The following ADGRG1 variants were observed in gnomAD, a reference collection of about 807,000 sequenced individuals.
ADGRG1 encodes 7-transmembrane protein with no EGF-like N-terminal domains-1.
A neutral mutation model predicts 73.5 loss-of-function variants in ADGRG1; 53 were observed. The observed-to-expected ratio is 0.72, with a 90% CI of 0.58 to 0.91. ADGRG1 has a LOEUF of 0.91. ADGRG1 is among the 40% of genes least tolerant of loss of function. The pLI, the probability that ADGRG1 is intolerant of heterozygous loss-of-function variation, is 0.00. For synonymous variants in ADGRG1, 394 were observed against 374.4 expected (o/e 1.05, Z -0.60); for missense variants, 795 against 871.8 (o/e 0.91, Z 1.11).
Position 57,651,332 on chromosome 16 carries a change from C to T in ADGRG1, c.197C>T (p.Thr66Ile), listed in dbSNP as rs761329556. 5.0e-6 allele frequency: 8 copies of T among 1,614,112 alleles called. No homozygotes were observed. The South Asian group carries it at 6.6e-5, about 13-fold the overall frequency. ...ATCGAGAACTCCGAAGAGGCCCTCACAGTCCATGCCCCTTTCCCTGCAGCC... is the reference window on the plus strand; with the variant it reads ...ATCGAGAACTCCGAAGAGGCCCTCATAGTCCATGCCCCTTTCCCTGCAGCC... ...ISIENSEEAL[T>I]VHAPFPAAHP... The change falls in exon 3 of 14, where the codon ACA becomes ATA. Residue 66 changes from threonine to isoleucine, a missense_variant. By Grantham distance (89) the Thr-to-Ile change is moderately conservative (BLOSUM62 -1). Coordinates refer to ENST00000562631, the MANE Select transcript of ADGRG1 (RefSeq NM_201525.4).
chr16:57,656,750 T>C, intron 9 of ADGRG1, 133 bp downstream of exon 9: 2 of 737,446 alleles, frequency 2.7e-6, no homozygotes, highest in Non-Finnish European at 5.0e-6. Context: ...TGTCCCATTT[T>C]ATAGATGAGG....
At chr16:57,648,429 A>T (rs774400353) in intron 1 of ADGRG1, 30 of 980,730 alleles carry the variant, frequency 3.1e-5, no homozygotes, top group Middle Eastern at 1.0e-3. Flanking sequence ...GGGCAAGATG[A>T]TGTGCCTATT....
intron 1 of ADGRG1, chr16:57,629,006 G>A (rs567589350): frequency 5.8e-6 from 3 of 514,124 alleles, no homozygotes; most frequent in Non-Finnish European, 7.5e-6. Flanking sequence ...GTGTGAGTGT[G>A]AGAGTGTGAC....
intron 7 of ADGRG1, 38 bp from the exon 8 acceptor site, chr16:57,656,188 G>A (rs1212330543): frequency 1.2e-6 from 2 of 1,613,246 alleles, no homozygotes; most frequent in African/African-American, 2.7e-5. Context: ...GGGGTGGGGG[G>A]CTGTCACAGA....
rs117420955 is a variant in ADGRG1 at position 57,653,486 on chromosome 16, A to G, written c.620+151A>G. On this transcript the variant is annotated intron_variant, in intron 4 of 13. Coordinates refer to ENST00000562631, the MANE Select transcript of ADGRG1 (RefSeq NM_201525.4). ...TTCTCTTTCTGCCTTCTGGGAGTCA[A>G]CACATGCCCCCCAGGCTGAGCCCTC... is the stretch of plus-strand genomic sequence containing the variant. 100,386 of 1,476,844 alleles carry G rather than the reference A, an allele frequency of 0.068. 3,894 individuals carry two copies. Among genetic ancestry groups the G allele is most frequent in the Non-Finnish European group, 0.079 (88,070 of 1,117,026 alleles). 91.5% of individuals were successfully genotyped at this position (1,476,844 alleles called of 1,614,324 possible). A position where few individuals can be genotyped will look rare whatever the true frequency, so the allele number is the denominator to read the frequency against.
At chr16:57,640,822 TAA>T (rs1224569139) in intron 1 of ADGRG1, 2 of 913,766 alleles carry the variant, frequency 2.2e-6, no homozygotes, top group Admixed American at 1.2e-4. Context: ...CTGGGAATGC[TAA>T]GTGTCCTGCG....
At chr16:57,653,828 C>T (rs1390454288) in intron 4 of ADGRG1, 158 bp from the exon 5 acceptor site, 1 of 985,106 alleles carries the variant, frequency 1.0e-6, no homozygotes, top group Non-Finnish European at 1.2e-6. Context: ...TTTGTCTGCT[C>T]TCCACTCTCT....
At chr16:57,656,330 G>A (rs1440061316) in intron 8 of ADGRG1, 59 bp downstream of exon 8, 2 of 1,611,162 alleles carry the variant, frequency 1.2e-6, no homozygotes, top group Admixed American at 1.7e-5. Flanking sequence ...AGAGTCCTGG[G>A]GGGTGGGGGA....
chr16:57,643,306 C>T (rs1438145553), intron 1 of ADGRG1: 1 of 152,414 alleles, frequency 6.6e-6, no homozygotes, highest in South Asian at 2.1e-4. Context: ...TCTCTGAGGC[C>T]TCTTAAGCAA....
intron 1 of ADGRG1, chr16:57,639,568 A>ACCCACCAGC (rs2147674628): frequency 1.0e-6 from 1 of 985,304 alleles, no homozygotes; most frequent in African/African-American, 1.7e-5. Context: ...GGGGACATTG[A>ACCCACCAGC]CCCACCAGCC....
Position 57,644,500 on chromosome 16 carries a change from ACT to A in ADGRG1, c.-35-5751_-35-5750del, listed in dbSNP as rs559540462. Among the ~76,000 whole-genome samples the A allele has an allele frequency of 1.5e-3, 222 of 147,626 alleles. 2 individuals carry two copies. The South Asian group carries it at 0.02, about 14-fold the overall frequency. ...CACACCCATGCACACACATATGCAC[ACT>A]CATGCATGGGCACACACACTCATCA... On this transcript the variant is annotated intron_variant, in intron 1 of 13. Transcript: ENST00000562631.
chr16:57,627,096 T>C (rs62036124), upstream of ADGRG1: 54,685 of 982,024 alleles, frequency 0.056, 1,630 homozygotes, highest in Non-Finnish European at 0.061. Flanking sequence ...AGCTCTCACC[T>C]TATGGCCTCC....
At chr16:57,643,360 G>C (rs571275256) in intron 1 of ADGRG1, 1 of 159,128 alleles carries the variant, frequency 6.3e-6, no homozygotes, top group East Asian at 1.9e-4. Flanking sequence ...AGCCGGCTTT[G>C]GACAACTGAC....
upstream of ADGRG1, chr16:57,627,983 C>T (rs760448444): frequency 1.2e-4 from 114 of 985,080 alleles, no homozygotes; most frequent in Non-Finnish European, 1.3e-4. Flanking sequence ...TTCCAGAAGC[C>T]CCTGGGGTCT....
In ADGRG1 at chr16:57,642,006, G is replaced by C. The variant is rs1215119870; in HGVS notation, c.-35-8247G>C. On this transcript the variant is annotated intron_variant, in intron 1 of 13. Transcript: ENST00000562631. ...GGGCTCAAGCAATTCTCTTGCCTCA[G>C]CCTCCCAAGTAGCTGGTACTACAGG... The C allele has an allele frequency of 3.8e-6, 3 of 795,970 alleles. No individual in the cohort carries two copies. In the African/African-American group the frequency reaches 5.6e-5, roughly 15 times the overall value. 49.3% of individuals were successfully genotyped at this position (795,970 alleles called of 1,614,324 possible). A position where few individuals can be genotyped will look rare whatever the true frequency, so the allele number is the denominator to read the frequency against.
intron 1 of ADGRG1, chr16:57,637,321 T>C (rs2147568184): frequency 1.0e-6 from 1 of 985,338 alleles, no homozygotes; most frequent in East Asian, 1.1e-4. Context: ...CAATGAGCTA[T>C]TGCAGTTATT....
At chr16:57,627,818 C>T (rs1276892447), upstream of ADGRG1, 14 of 985,238 alleles carry the variant, frequency 1.4e-5, no homozygotes, top group East Asian at 3.4e-4. Context: ...ACCCCAGCAG[C>T]GGGAGGTGCT....
chr16:57,657,180 A>T (rs2045939984), intron 9 of ADGRG1, 193 bp from the exon 10 acceptor site: 1 of 233,594 alleles, frequency 4.3e-6, no homozygotes, highest in South Asian at 1.5e-4. Context: ...GCCGCTTGAG[A>T]ATGTGGTCAA....
intron 1 of ADGRG1, chr16:57,641,346 T>A (rs1433347601): frequency 1.0e-6 from 1 of 984,998 alleles, no homozygotes; most frequent in East Asian, 1.1e-4. Flanking sequence ...TGGCCTCAGC[T>A]GCTCCTTGGA....
Sources: gnomAD v4.1 joint callset for allele counts (sites outside exome capture counted in the v4.1 genomes callset) on GRCh38, gnomAD v4.1.1 for gene constraint, MANE v1.5 for transcripts, NCBI Gene and HGNC (gene_info 2026-07-23, HGNC 2026-07-21) for gene names.